UNC5D: variants seen among roughly 807,000 people sequenced by gnomAD.
UNC5D encodes the protein netrin receptor UNC5D.
Under a neutral mutation model 105.4 loss-of-function variants are expected in UNC5D, and 39 were observed. The ratio of observed to expected loss-of-function variants is 0.37; its 90% CI spans 0.29 to 0.48. The LOEUF (loss-of-function observed/expected upper bound fraction) is 0.48, where lower values mean the gene tolerates loss of function less well. Among genes scored for constraint, UNC5D ranks in the 20% least tolerant of loss-of-function variants. The pLI is 0.98. For missense variants in UNC5D, 991 were observed against 1,202.4 expected (o/e 0.82, Z 2.60); for synonymous variants, 452 against 450.4 (o/e 1.00, Z -0.04).
At chr8:35,452,377 G>T (rs747157469) in intron 1 of UNC5D, among the ~76,000 whole-genome samples, 12 of 151,952 alleles carry the variant, frequency 7.9e-5, no homozygotes, top group Non-Finnish European at 1.5e-4. Context: ...CCATTCTCCT[G>T]CCTCAGCCTC....
intron 1 of UNC5D, among the ~76,000 whole-genome samples, chr8:35,392,086 A>G (rs1803813569): frequency 6.6e-6 from 1 of 152,202 alleles, no homozygotes; most frequent in South Asian, 2.1e-4. Flanking sequence ...AATGGATTTC[A>G]CTACTCTAAA....
chr8:35,561,245 G>C (rs1014686475), intron 2 of UNC5D, among the ~76,000 whole-genome samples: 2 of 152,070 alleles, frequency 1.3e-5, no homozygotes, highest in African/African-American at 4.8e-5. Flanking sequence ...CCAGGACTAG[G>C]TACCAGACAA....
chr8:35,472,787 T>C (rs1809826645), intron 1 of UNC5D, among the ~76,000 whole-genome samples: 1 of 152,178 alleles, frequency 6.6e-6, no homozygotes, highest in Non-Finnish European at 1.5e-5. Context: ...GAATGCAAGC[T>C]TCTCACCTTG....
chr8:35,376,518 T>C (rs751598683), intron 1 of UNC5D, among the ~76,000 whole-genome samples: 1 of 152,150 alleles, frequency 6.6e-6, no homozygotes, highest in African/African-American at 2.4e-5. Context: ...GATATGTATG[T>C]AGGGAAGCAT....
intron 1 of UNC5D, among the ~76,000 whole-genome samples, chr8:35,492,322 G>A (rs1346220615): frequency 6.6e-6 from 1 of 152,012 alleles, no homozygotes; most frequent in African/African-American, 2.4e-5. Flanking sequence ...CATGATGTAA[G>A]TCAGAAGAAT....
intron 1 of UNC5D, among the ~76,000 whole-genome samples, chr8:35,492,453 C>G (rs1811273527): frequency 6.6e-6 from 1 of 152,008 alleles, no homozygotes; most frequent in Non-Finnish European, 1.5e-5. Context: ...CTAAAGTTGG[C>G]CATCAGTGAT....
At chr8:35,496,681 CAAT>C (rs1262399462) in intron 1 of UNC5D, among the ~76,000 whole-genome samples, 1 of 152,110 alleles carries the variant, frequency 6.6e-6, no homozygotes, top group Non-Finnish European at 1.5e-5. Flanking sequence ...GTGTACAACT[CAAT>C]AAATTTTAGT....
At chr8:35,476,640 C>G (rs1810119131) in intron 1 of UNC5D, among the ~76,000 whole-genome samples, 1 of 152,112 alleles carries the variant, frequency 6.6e-6, no homozygotes, top group South Asian at 2.1e-4. Flanking sequence ...TATTTCAGAG[C>G]TAAGTTTTCC....
intron 4 of UNC5D, among the ~76,000 whole-genome samples, chr8:35,679,653 G>A (rs1323961749): frequency 6.6e-6 from 1 of 152,118 alleles, no homozygotes; most frequent in Non-Finnish European, 1.5e-5. Context: ...CTAGAAAGTG[G>A]CGTGGTCTCA....
chr8:35,422,078 C>A (rs960921383), intron 1 of UNC5D, among the ~76,000 whole-genome samples: 1 of 152,164 alleles, frequency 6.6e-6, no homozygotes, highest in African/African-American at 2.4e-5. Flanking sequence ...AAACCATGAA[C>A]GGTATAGCCT....
chr8:35,516,527 C>A (rs1813103990), intron 1 of UNC5D, among the ~76,000 whole-genome samples: 1 of 152,192 alleles, frequency 6.6e-6, no homozygotes, highest in Non-Finnish European at 1.5e-5. Context: ...GTAATCTTTC[C>A]TACATCATGC....
intron 10 of UNC5D, among the ~76,000 whole-genome samples, chr8:35,729,652 C>G (rs545397466): frequency 1.3e-5 from 2 of 152,260 alleles, no homozygotes; most frequent in East Asian, 3.9e-4. Context: ...TTGTGTTTAG[C>G]AGCAGGGAGG....
intron 1 of UNC5D, among the ~76,000 whole-genome samples, chr8:35,254,113 A>G (rs1803908926): frequency 6.6e-6 from 1 of 152,132 alleles, no homozygotes; most frequent in African/African-American, 2.4e-5. Context: ...TCTTAGGTAT[A>G]TTTATTTCTC....
intron 1 of UNC5D, among the ~76,000 whole-genome samples, chr8:35,360,681 A>G (rs1042781290): frequency 2.6e-5 from 4 of 152,154 alleles, no homozygotes; most frequent in African/African-American, 9.6e-5. Flanking sequence ...AATTCAATCT[A>G]TTAATTTCTG....
At chr8:35,703,971 G>A (rs185688217) in intron 7 of UNC5D, among the ~76,000 whole-genome samples, 3 of 152,242 alleles carry the variant, frequency 2.0e-5, no homozygotes, top group Admixed American at 1.3e-4. Flanking sequence ...TCTGGACTTC[G>A]AGAGGGACCA....
intron 1 of UNC5D, among the ~76,000 whole-genome samples, chr8:35,390,971 A>T (rs1434742331): frequency 1.3e-5 from 2 of 152,236 alleles, no homozygotes; most frequent in African/African-American, 4.8e-5. Flanking sequence ...TTTAAGGCAC[A>T]CTGGGAGCTT....
At chr8:35,466,842 CA>C (rs1809342071) in intron 1 of UNC5D, among the ~76,000 whole-genome samples, 1 of 152,154 alleles carries the variant, frequency 6.6e-6, no homozygotes, top group South Asian at 2.1e-4. Flanking sequence ...TGCATGCTCC[CA>C]AGTGCAGTAT....
intron 4 of UNC5D, among the ~76,000 whole-genome samples, chr8:35,654,065 C>T (rs1433647671): frequency 6.6e-6 from 1 of 152,112 alleles, no homozygotes; most frequent in African/African-American, 2.4e-5. Context: ...CTGCCAGGTA[C>T]TTATGGACAC....
intron 1 of UNC5D, among the ~76,000 whole-genome samples, chr8:35,396,876 T>C (rs186792475): frequency 3.9e-5 from 6 of 151,964 alleles, no homozygotes; most frequent in African/African-American, 1.4e-4. Context: ...ATGTGTCTCT[T>C]CTGAGCCCAA....
Sources: gnomAD v4.1 joint callset for allele counts (sites outside exome capture counted in the v4.1 genomes callset) on GRCh38, gnomAD v4.1.1 for gene constraint, MANE v1.5 for transcripts, NCBI Gene and HGNC (gene_info 2026-07-23, HGNC 2026-07-21) for gene names.